Variants in AJAP1 observed in about 807,000 individuals in gnomAD.
AJAP1 encodes the protein adherens junctions associated protein 1.
AJAP1 carries 5 observed loss-of-function variants against 35.0 expected under a neutral mutation model. That is an observed-to-expected ratio of 0.14 (90% confidence interval 0.07 to 0.30). The LOEUF is 0.30. Among genes scored for constraint, AJAP1 ranks in the 10% least tolerant of loss-of-function variants. The pLI is 1.00. For synonymous variants in AJAP1, 284 were observed against 249.3 expected (o/e 1.14, Z -1.31); for missense variants, 586 against 571.0 (o/e 1.03, Z -0.27).
At chr1:4,776,095 G>A (rs555926606) in intron 5 of AJAP1, among the ~76,000 whole-genome samples, 5 of 152,360 alleles carry the variant, frequency 3.3e-5, no homozygotes, top group African/African-American at 1.2e-4. Flanking sequence ...ACTCCCTTCC[G>A]CCAAGAGCCA....
At chr1:4,758,073 G>A (rs1444169789) in intron 2 of AJAP1, among the ~76,000 whole-genome samples, 8 of 152,134 alleles carry the variant, frequency 5.3e-5, no homozygotes, top group Middle Eastern at 6.8e-3. Context: ...CTTTCCTGCC[G>A]CCATGTGAAG....
intron 2 of AJAP1, among the ~76,000 whole-genome samples, chr1:4,752,934 A>G (rs761508447): frequency 3.3e-5 from 5 of 152,174 alleles, no homozygotes; most frequent in South Asian, 2.1e-4. Context: ...GTTCTCTTCA[A>G]ACTTCCCGCC....
intron 1 of AJAP1, among the ~76,000 whole-genome samples, chr1:4,709,984 C>T (rs576191228): frequency 6.6e-6 from 1 of 152,252 alleles, no homozygotes; most frequent in East Asian, 1.9e-4. Context: ...CAGTACTGAA[C>T]AGAGGGCGTG....
chr1:4,707,183 G>A lies in AJAP1; in HGVS notation c.30-4717G>A, dbSNP rs138312838. On this transcript the variant is annotated intron_variant, in intron 1 of 5. Coordinates refer to ENST00000378191, the MANE Select transcript of AJAP1 (RefSeq NM_018836.4). ...GGGCCGCTCTGCCTTCCACCCATCC[G>A]CCAGGGCCAGGATTAGGGTGCCACG... 3.1e-3 allele frequency among the ~76,000 whole-genome samples: 472 copies of A among 152,206 alleles called. 13 individuals are homozygous for A. The highest frequency in any genetic ancestry group is 1.0e-3 in the Non-Finnish European group (71 of 68,004).
At position 4,699,975 on chromosome 1, in the gene AJAP1, G is replaced by A. The variant is rs149468674; in HGVS notation, c.30-11925G>A. Reference sequence around the variant, plus strand: ...CGCCGTCTTTTTCTCTCTGCGTGCCGTCCTCTTCAGTTTGGTTTTCTCTAG... The same window carrying A: ...CGCCGTCTTTTTCTCTCTGCGTGCCATCCTCTTCAGTTTGGTTTTCTCTAG... On this transcript the variant is annotated intron_variant, in intron 1 of 5. Coordinates refer to ENST00000378191, the MANE Select transcript of AJAP1 (RefSeq NM_018836.4). Among the ~76,000 whole-genome samples the A allele has an allele frequency of 2.9e-4, 44 of 152,248 alleles. 1 individual carries two copies. In the East Asian group the frequency reaches 4.5e-3, roughly 15 times the overall value.
intron 1 of AJAP1, among the ~76,000 whole-genome samples, chr1:4,658,662 C>A (rs1055374273): frequency 5.9e-5 from 9 of 152,356 alleles, no homozygotes; most frequent in African/African-American, 2.2e-4. Context: ...GTACATACCC[C>A]CCTTTCATGC....
chr1:4,695,126 G>C (rs191832180), intron 1 of AJAP1, among the ~76,000 whole-genome samples: 1 of 152,264 alleles, frequency 6.6e-6, no homozygotes, highest in Non-Finnish European at 1.5e-5. Context: ...GCATTGTGTG[G>C]ATGGAGGCAG....
chr1:4,707,623 A>T lies in AJAP1; in HGVS notation c.30-4277A>T, dbSNP rs1404854822. On this transcript the variant is annotated intron_variant, in intron 1 of 5. Coordinates refer to ENST00000378191, the MANE Select transcript of AJAP1 (RefSeq NM_018836.4). ...CCTTTTAAAGGCTGAACGATACTCCATTGTAACATTATGCCAGATCCCCTT... is the reference window on the plus strand; with the variant it reads ...CCTTTTAAAGGCTGAACGATACTCCTTTGTAACATTATGCCAGATCCCCTT... Among the ~76,000 whole-genome samples the T allele has an allele frequency of 3.3e-5, 5 of 152,070 alleles. No individual in the cohort carries two copies. The East Asian group carries it at 9.6e-4, about 29-fold the overall frequency.
chr1:4,752,176 G>A (rs1224254681), intron 2 of AJAP1, among the ~76,000 whole-genome samples: 1 of 151,494 alleles, frequency 6.6e-6, no homozygotes, highest in Non-Finnish European at 1.5e-5. Context: ...GAGAGGAGGA[G>A]GAGGGAGGAG....
At chr1:4,713,386 T>A (rs1455327243) in intron 2 of AJAP1, among the ~76,000 whole-genome samples, 1 of 152,236 alleles carries the variant, frequency 6.6e-6, no homozygotes, top group Admixed American at 6.5e-5. Flanking sequence ...TTGGTTCTTC[T>A]GCTGCTGTTA....
intron 2 of AJAP1, among the ~76,000 whole-genome samples, chr1:4,757,950 T>G (rs972969574): frequency 2.6e-5 from 2 of 75,488 alleles, no homozygotes; most frequent in South Asian, 3.3e-4. Context: ...GAGGCAGAAT[T>G]TAATCATGGA....
intron 5 of AJAP1, among the ~76,000 whole-genome samples, chr1:4,775,264 C>G (rs1002078605): frequency 6.6e-6 from 1 of 152,056 alleles, no homozygotes; most frequent in Non-Finnish European, 1.5e-5. Flanking sequence ...GAGAGCATTG[C>G]GCCCTCATGG....
chr1:4,758,491 GA>G (rs1557642571), intron 2 of AJAP1, among the ~76,000 whole-genome samples: 1 of 152,182 alleles, frequency 6.6e-6, no homozygotes, highest in Non-Finnish European at 1.5e-5. Flanking sequence ...AAGGTGGCAG[GA>G]AGGAGAAATG....
intron 1 of AJAP1, among the ~76,000 whole-genome samples, chr1:4,662,046 T>TTGTG (rs3086604): frequency 0.055 from 8,356 of 151,036 alleles, 449 homozygotes; most frequent in Admixed American, 0.17. Flanking sequence ...CCCTTTATAT[T>TTGTG]TGTGTGTGTG....
intron 1 of AJAP1, among the ~76,000 whole-genome samples, chr1:4,710,008 G>C (rs992700991): frequency 6.6e-6 from 1 of 152,030 alleles, no homozygotes; most frequent in South Asian, 2.1e-4. Flanking sequence ...CCAGGGATGC[G>C]TTCACACACA....
Position 4,786,228 on chromosome 1 carries a change from A to G in AJAP1, c.*3743A>G, listed in dbSNP as rs927609027. ...TGTTCCTATTTACTGCCCTCCTTGC[A>G]CACAGAAGGGAGAGGCCACTTAGGG... is the stretch of plus-strand genomic sequence containing the variant. On this transcript the variant is annotated 3_prime_UTR_variant, in exon 6 of 6. Coordinates refer to ENST00000378191, the MANE Select transcript of AJAP1 (RefSeq NM_018836.4). The G allele has an allele frequency of 3.9e-5, 6 of 152,118 alleles. No homozygotes were observed. Among genetic ancestry groups the G allele is most frequent in the Admixed American group, 3.3e-4 (5 of 15,274 alleles). The allele number at this position is 152,118 out of a possible 1,614,324, so 9.4% of individuals were successfully genotyped here. A position where few individuals can be genotyped will look rare whatever the true frequency, so the allele number is the denominator to read the frequency against.
chr1:4,676,026 C>A (rs1052814642), intron 1 of AJAP1, among the ~76,000 whole-genome samples: 3 of 152,198 alleles, frequency 2.0e-5, no homozygotes, highest in Non-Finnish European at 4.4e-5. Context: ...AGCTCTGTGT[C>A]CTCGTGCAGG....
chr1:4,764,563 T>C (rs1296651672), intron 2 of AJAP1, among the ~76,000 whole-genome samples: 1 of 152,234 alleles, frequency 6.6e-6, no homozygotes, highest in Non-Finnish European at 1.5e-5. Context: ...AATGGCTTTT[T>C]TGGGATGGAA....
At chr1:4,772,898 G>T (rs1000059285) in intron 4 of AJAP1, among the ~76,000 whole-genome samples, 2 of 152,104 alleles carry the variant, frequency 1.3e-5, no homozygotes, top group Admixed American at 6.5e-5. Context: ...ACAGCCCCCC[G>T]ACCGGAGTCA....
Sources: gnomAD v4.1 joint callset for allele counts (sites outside exome capture counted in the v4.1 genomes callset) on GRCh38, gnomAD v4.1.1 for gene constraint, MANE v1.5 for transcripts, NCBI Gene and HGNC (gene_info 2026-07-23, HGNC 2026-07-21) for gene names.